The following CHN1 variants were observed in gnomAD, a reference collection of about 807,000 sequenced individuals.
The protein encoded by CHN1 is N-chimaerin.
Under a neutral mutation model 59.5 loss-of-function variants are expected in CHN1, and 37 were observed. That is an observed-to-expected ratio of 0.62 (90% CI 0.48 to 0.82). The LOEUF (loss-of-function observed/expected upper bound fraction) is 0.82, where lower values mean the gene tolerates loss of function less well. Ranked by LOEUF, CHN1 falls within the 40% of genes least tolerant of loss-of-function variation. The pLI, the probability that CHN1 is intolerant of heterozygous loss-of-function variation, is 0.00. For missense variants in CHN1, 469 were observed against 571.0 expected (o/e 0.82, Z 1.82); for synonymous variants, 206 against 200.4 (o/e 1.03, Z -0.24).
intron 3 of CHN1, among the ~76,000 whole-genome samples, chr2:174,944,053 A>C (rs377406044): frequency 6.6e-6 from 1 of 152,254 alleles, no homozygotes; most frequent in African/African-American, 2.4e-5. Context: ...TTTCCGTATC[A>C]GTACATAGAA....
intron 5 of CHN1, among the ~76,000 whole-genome samples, chr2:174,903,991 G>A (rs564584532): frequency 5.9e-5 from 9 of 152,242 alleles, no homozygotes; most frequent in South Asian, 2.1e-4. Context: ...GGCTGGGCAC[G>A]GTGGCTCATG....
intron 1 of CHN1, among the ~76,000 whole-genome samples, chr2:174,992,105 A>G (rs1691562911): frequency 6.6e-6 from 1 of 152,240 alleles, no homozygotes; most frequent in Admixed American, 6.5e-5. Context: ...CAGAACTCAA[A>G]GGAAAGGCAG....
intron 11 of CHN1, among the ~76,000 whole-genome samples, chr2:174,802,993 G>A (rs541383279): frequency 1.4e-4 from 21 of 152,154 alleles, no homozygotes; most frequent in African/African-American, 4.3e-4. Flanking sequence ...AGCCAGGATT[G>A]CATCACTGTG....
rs1358049322 is a variant in CHN1 at position 174,799,492 on chromosome 2, G to A, written c.*624C>T. 6 of 499,302 alleles carry A rather than the reference G, an allele frequency of 1.2e-5. No homozygotes were observed. The highest frequency in any genetic ancestry group is 2.4e-5 in the Admixed American group (1 of 42,086). The allele number at this position is 499,302 out of a possible 1,614,324, so 30.9% of individuals were successfully genotyped here. Reference sequence around the variant, plus strand: ...AACCAATAATAATTTAACAGAAAATGCTGTGTTGTACACTTTTTATTGGTA... The same window carrying A: ...AACCAATAATAATTTAACAGAAAATACTGTGTTGTACACTTTTTATTGGTA... On this transcript the variant is annotated 3_prime_UTR_variant, in exon 13 of 13. Transcript: ENST00000409900.
chr2:174,893,016 T>C (rs1473683073), intron 5 of CHN1, among the ~76,000 whole-genome samples: 1 of 152,160 alleles, frequency 6.6e-6, no homozygotes, highest in East Asian at 1.9e-4. Context: ...TTATATCAAA[T>C]TTAATGCTGA....
rs537174458 is a variant in CHN1, at chr2:174,819,513, T to A, written c.712+4921A>T. ...AAACAATTCAGGAATGCTGCTGGAATAATGGTCTTTTTTTAAAGACGAATG... is the reference window on the plus strand; with the variant it reads ...AAACAATTCAGGAATGCTGCTGGAAAAATGGTCTTTTTTTAAAGACGAATG... On this transcript the variant is annotated intron_variant, in intron 8 of 12. Transcript: ENST00000409900. Among the ~76,000 whole-genome samples the A allele has an allele frequency of 2.6e-5, 4 of 152,344 alleles. No homozygotes were observed. In the South Asian group the frequency reaches 6.2e-4, roughly 24 times the overall value.
At chr2:174,932,278 T>A (rs2105389214) in intron 3 of CHN1, among the ~76,000 whole-genome samples, 1 of 152,322 alleles carries the variant, frequency 6.6e-6, no homozygotes, top group African/African-American at 2.4e-5. Flanking sequence ...GCAAGACAAC[T>A]GTCCTACATC....
Position 174,878,276 on chromosome 2 carries a change from G to A in CHN1, c.261-148C>T, listed in dbSNP as rs1215361958. The A allele has an allele frequency of 3.6e-5, 24 of 668,672 alleles. 1 individual carries two copies. The highest frequency in any genetic ancestry group is 4.4e-5 in the Non-Finnish European group (19 of 430,504). 41.4% of individuals were successfully genotyped at this position (668,672 alleles called of 1,614,324 possible). The stretch of plus-strand genomic sequence containing the variant: ...AAGCTGTGGCTAATCTCTCTGAATC[G>A]TCTGGAATATATAAAATTAAACCTT... On this transcript the variant is annotated intron_variant, in intron 5 of 12. Transcript: ENST00000409900.
intron 5 of CHN1, among the ~76,000 whole-genome samples, chr2:174,888,061 T>C (rs1687941914): frequency 6.6e-6 from 1 of 152,142 alleles, no homozygotes; most frequent in Admixed American, 6.5e-5. Context: ...TTTCAGAAAA[T>C]AAATTAATAA....
intron 10 of CHN1, among the ~76,000 whole-genome samples, chr2:174,809,546 G>A (rs1020532627): frequency 6.6e-6 from 1 of 152,234 alleles, no homozygotes; most frequent in South Asian, 2.1e-4. Flanking sequence ...AGAGTAACAT[G>A]CCGGGGCTTA....
At chr2:174,865,961 T>C (rs1418300573) in intron 6 of CHN1, among the ~76,000 whole-genome samples, 2 of 152,202 alleles carry the variant, frequency 1.3e-5, no homozygotes, top group South Asian at 2.1e-4. Flanking sequence ...TATTAAGACA[T>C]GCTCAAAGCA....
At chr2:174,996,957 C>T (rs912210974) in intron 1 of CHN1, among the ~76,000 whole-genome samples, 1 of 152,162 alleles carries the variant, frequency 6.6e-6, no homozygotes, top group African/African-American at 2.4e-5. Context: ...CCCTCTCCCC[C>T]GACATTGTGA....
At position 174,902,169 on chromosome 2, in the gene CHN1, T is replaced by C. The variant is rs145564759; in HGVS notation, c.260+12889A>G. Among the ~76,000 whole-genome samples, 58 of 152,302 alleles carry C rather than the reference T, an allele frequency of 3.8e-4. No individual in the cohort carries two copies. In the East Asian group the frequency reaches 0.01, roughly 27 times the overall value. On this transcript the variant is annotated intron_variant, in intron 5 of 12. Coordinates refer to ENST00000409900, the MANE Select transcript of CHN1 (RefSeq NM_001822.7). ...TATTGTATATTTGTCAGGGAAAAAA[T>C]GCTAATCTTTTTGAACAGCTATCTC...
At chr2:174,855,691 A>T (rs1045813418) in intron 6 of CHN1, among the ~76,000 whole-genome samples, 2 of 152,164 alleles carry the variant, frequency 1.3e-5, no homozygotes, top group African/African-American at 4.8e-5. Flanking sequence ...CTTTACATGT[A>T]TGATAAAGTT....
chr2:174,828,557 T>C (rs925024878), intron 7 of CHN1, among the ~76,000 whole-genome samples: 2 of 152,238 alleles, frequency 1.3e-5, no homozygotes, highest in South Asian at 2.1e-4. Context: ...ATAGGTGCTG[T>C]TTCCTATAGA....
In CHN1 at chr2:174,812,339, C is replaced by T; in HGVS notation, c.856G>A (p.Asp286Asn). The change falls in exon 9 of 13, where the codon GAC becomes AAC. Residue 286 changes from aspartate (D) to asparagine (N), a missense_variant. By Grantham distance (23) the Asp-to-Asn change is conservative. Around this residue, in one of 5 missense-constraint regions of CHN1, gnomAD observed 225 missense variants for 289.9 expected, o/e 0.78. Transcript: ENST00000409900. ...GACTCAATCTCCCTGATGCACATGT[C>T]TACCACCATTGGCCGCTTAGTGGTA... ...AHTTKRPMVV[D>N]MCIREIESRG... 6.2e-7 allele frequency: 1 copy of T among 1,613,854 alleles called. No individual in the cohort carries two copies. Among genetic ancestry groups the T allele is most frequent in the Non-Finnish European group, 8.5e-7 (1 of 1,179,816 alleles).
At chr2:174,886,387 C>T (rs1394550053) in intron 5 of CHN1, among the ~76,000 whole-genome samples, 1 of 152,130 alleles carries the variant, frequency 6.6e-6, no homozygotes, top group Non-Finnish European at 1.5e-5. Flanking sequence ...AGTTGCCTTT[C>T]TCTTACCTAA....
At chr2:174,912,246 A>G (rs745332879) in intron 5 of CHN1, among the ~76,000 whole-genome samples, 11 of 152,238 alleles carry the variant, frequency 7.2e-5, no homozygotes, top group Non-Finnish European at 1.6e-4. Flanking sequence ...ACAGCAGAAA[A>G]TATGTATTTG....
intron 4 of CHN1, among the ~76,000 whole-genome samples, chr2:174,916,865 G>T (rs1300727985): frequency 6.6e-6 from 1 of 152,354 alleles, no homozygotes; most frequent in East Asian, 1.9e-4. Flanking sequence ...AAATAATACA[G>T]TTGGTAAAAT....
Sources: allele counts gnomAD v4.1 joint callset (sites outside exome capture counted in the v4.1 genomes callset), GRCh38; gene constraint gnomAD v4.1.1; regional missense constraint gnomAD v4.1.1; transcripts MANE v1.5; gene names NCBI Gene and HGNC (gene_info 2026-07-23, HGNC 2026-07-21).